SUCLG2: variants seen among roughly 807,000 people sequenced by gnomAD.
SUCLG2 encodes the protein succinate--CoA ligase [GDP-forming] subunit beta, mitochondrial.
In SUCLG2, 42 loss-of-function variants were observed where a neutral mutation model predicts 47.9. The ratio of observed to expected loss-of-function variants is 0.88; its 90% CI spans 0.69 to 1.14. SUCLG2 has a LOEUF of 1.14. SUCLG2 is among the 50% of genes most tolerant of loss of function. The pLI, the probability that SUCLG2 is intolerant of heterozygous loss-of-function variation, is 0.00. For missense variants in SUCLG2, 571 were observed against 525.9 expected (o/e 1.09, Z -0.84); for synonymous variants, 195 against 197.3 (o/e 0.99, Z 0.10).
intron 9 of SUCLG2, among the ~76,000 whole-genome samples, chr3:67,454,164 T>C (rs892793475): frequency 1.3e-5 from 2 of 152,110 alleles, no homozygotes; most frequent in East Asian, 1.9e-4. Context: ...TGCACAAAAA[T>C]TGCAAAAGAA....
At chr3:67,551,563 G>C (rs957602527) in intron 2 of SUCLG2, among the ~76,000 whole-genome samples, 7 of 152,102 alleles carry the variant, frequency 4.6e-5, no homozygotes, top group African/African-American at 1.7e-4. Flanking sequence ...CCCCAACATC[G>C]ATGCAGGGAC....
At chr3:67,392,298 G>A (rs17195063) in intron 10 of SUCLG2, among the ~76,000 whole-genome samples, 59,107 of 151,924 alleles carry the variant, frequency 0.39, 11,983 homozygotes, top group Middle Eastern at 0.52. Flanking sequence ...CTTCCTCCTG[G>A]TGTTCAATTC....
chr3:67,478,207 C>T (rs1238168919), intron 9 of SUCLG2, among the ~76,000 whole-genome samples: 1 of 152,180 alleles, frequency 6.6e-6, no homozygotes, highest in Non-Finnish European at 1.5e-5. Flanking sequence ...ACCACAATAC[C>T]CATAGCCCTG....
intron 1 of SUCLG2, among the ~76,000 whole-genome samples, chr3:67,612,724 A>G (rs1225005778): frequency 6.6e-6 from 1 of 152,106 alleles, no homozygotes; most frequent in African/African-American, 2.4e-5. Context: ...CGTATCTACT[A>G]CCTAGAGTTA....
intron 4 of SUCLG2, among the ~76,000 whole-genome samples, chr3:67,526,270 C>T (rs557806781): frequency 6.6e-6 from 1 of 152,294 alleles, no homozygotes; most frequent in East Asian, 1.9e-4. Flanking sequence ...TACACTAACA[C>T]TAACAATAGC....
intron 9 of SUCLG2, among the ~76,000 whole-genome samples, chr3:67,480,650 G>C (rs1157843889): frequency 6.6e-6 from 1 of 152,210 alleles, no homozygotes; most frequent in Non-Finnish European, 1.5e-5. Context: ...CCCAGAGGTA[G>C]GTGGCCTCTT....
chr3:67,446,105 T>C (rs1559529549), intron 9 of SUCLG2, among the ~76,000 whole-genome samples: 1 of 53,458 alleles, frequency 1.9e-5, no homozygotes, highest in African/African-American at 6.7e-5. Context: ...TTTATACAAG[T>C]TTTGGGGCTA....
intron 2 of SUCLG2, among the ~76,000 whole-genome samples, chr3:67,599,719 CAAA>C (rs11341706): frequency 3.3e-5 from 4 of 120,608 alleles, no homozygotes; most frequent in Non-Finnish European, 3.6e-5. Context: ...AGCCTGAAGA[CAAA>C]AAAAAAAAAA....
intron 9 of SUCLG2, among the ~76,000 whole-genome samples, chr3:67,416,837 A>G (rs531295279): frequency 3.3e-5 from 5 of 152,214 alleles, no homozygotes; most frequent in African/African-American, 4.8e-5. Flanking sequence ...TTATTAAAAT[A>G]TCTGGTTTAG....
At chr3:67,566,356 G>T (rs1707453639) in intron 2 of SUCLG2, among the ~76,000 whole-genome samples, 1 of 151,858 alleles carries the variant, frequency 6.6e-6, no homozygotes. Context: ...ATTTGGGGGG[G>T]ATATTTTAAA....
chr3:67,608,859 G>A (rs1240245864), intron 2 of SUCLG2, among the ~76,000 whole-genome samples: 2 of 151,782 alleles, frequency 1.3e-5, no homozygotes, highest in Non-Finnish European at 2.9e-5. Context: ...TTTAGTTTTT[G>A]TAGAAACGGG....
intron 10 of SUCLG2, among the ~76,000 whole-genome samples, chr3:67,394,736 T>C (rs2106798885): frequency 6.6e-6 from 1 of 150,786 alleles, no homozygotes; most frequent in African/African-American, 2.4e-5. Flanking sequence ...TCACCAAAGT[T>C]GAAATGAAGG....
At chr3:67,539,819 T>G (rs964285600) in intron 2 of SUCLG2, among the ~76,000 whole-genome samples, 1 of 152,222 alleles carries the variant, frequency 6.6e-6, no homozygotes, top group South Asian at 2.1e-4. Context: ...TTCATCCATT[T>G]CTTCCAGACT....
downstream of SUCLG2, among the ~76,000 whole-genome samples, chr3:67,372,082 C>T (rs571619122): frequency 1.3e-5 from 2 of 152,270 alleles, no homozygotes; most frequent in South Asian, 4.2e-4. Flanking sequence ...CAGCCACTAG[C>T]AATGTGTGGC....
At chr3:67,375,913 G>A (rs1001179913) in intron 10 of SUCLG2, 54 bp from the exon 11 acceptor site, 78 of 1,583,028 alleles carry the variant, frequency 4.9e-5, no homozygotes, top group Non-Finnish European at 6.6e-5. Flanking sequence ...GGCGCCTTAT[G>A]AAGTTTGCAC....
chr3:67,588,413 A>C (rs1156577323), intron 2 of SUCLG2, among the ~76,000 whole-genome samples: 1 of 152,204 alleles, frequency 6.6e-6, no homozygotes, highest in Admixed American at 6.5e-5. Flanking sequence ...CTGACACCCC[A>C]ACTGTTTCTT....
chr3:67,440,674 T>C (rs1449247291), intron 9 of SUCLG2, among the ~76,000 whole-genome samples: 1 of 152,078 alleles, frequency 6.6e-6, no homozygotes, highest in Non-Finnish European at 1.5e-5. Flanking sequence ...AAAACCACAG[T>C]GAAATACCAT....
chr3:67,528,936 C>G, intron 3 of SUCLG2, 151 bp downstream of exon 3: 1 of 552,044 alleles, frequency 1.8e-6, no homozygotes, highest in East Asian at 3.1e-5. Context: ...AGGGCACTGC[C>G]AGAGCCCTCT....
chr3:67,537,573 G>C (rs1323275459), intron 2 of SUCLG2, among the ~76,000 whole-genome samples: 1 of 152,092 alleles, frequency 6.6e-6, no homozygotes, highest in Non-Finnish European at 1.5e-5. Flanking sequence ...ATAATCCTTT[G>C]GGTATACGCC....
Sources: gnomAD v4.1 joint callset for allele counts (sites outside exome capture counted in the v4.1 genomes callset) on GRCh38, gnomAD v4.1.1 for gene constraint, MANE v1.5 for transcripts, NCBI Gene and HGNC (gene_info 2026-07-23, HGNC 2026-07-21) for gene names.